Variants in CD80 observed in about 807,000 individuals in gnomAD.
CD80 encodes the protein T-lymphocyte activation antigen CD80.
CD80 carries 13 observed loss-of-function variants against 27.1 expected under a neutral mutation model. That is an observed-to-expected ratio of 0.48 (90% confidence interval 0.31 to 0.76). CD80 has a LOEUF of 0.76. CD80 is among the 30% of genes least tolerant of loss of function. CD80 has a pLI of 0.04. For synonymous variants in CD80, 125 were observed against 125.5 expected (o/e 1.00, Z 0.03); for missense variants, 277 against 347.9 (o/e 0.80, Z 1.62).
At chr3:119,528,615 C>T (rs528649057) in intron 5 of CD80, among the ~76,000 whole-genome samples, 1 of 152,206 alleles carries the variant, frequency 6.6e-6, no homozygotes, top group South Asian at 2.1e-4. Flanking sequence ...GGACATTTTC[C>T]AGACACCTAT....
At chr3:119,537,043 A>G (rs542160753) in intron 4 of CD80, 94 bp downstream of exon 4, 16 of 1,134,034 alleles carry the variant, frequency 1.4e-5, no homozygotes, top group Non-Finnish European at 2.1e-5. Context: ...CTAATGATGC[A>G]TTTCTCAAAA....
At chr3:119,556,517 A>AT (rs1477600245) in intron 2 of CD80, among the ~76,000 whole-genome samples, 3 of 121,330 alleles carry the variant, frequency 2.5e-5, no homozygotes, top group Admixed American at 2.4e-4. Flanking sequence ...TGTCAAATAT[A>AT]TAAAAAACCT....
chr3:119,555,338 G>T (rs2082258045), intron 2 of CD80, among the ~76,000 whole-genome samples: 1 of 152,080 alleles, frequency 6.6e-6, no homozygotes, highest in Non-Finnish European at 1.5e-5. Flanking sequence ...AATTTATAAT[G>T]ACTTATATCT....
In CD80 at chr3:119,537,365, TA is replaced by T; in HGVS notation, c.471del (p.Arg158GlufsTer3). 1 of 1,613,084 alleles carries T rather than the reference TA, an allele frequency of 6.2e-7. No individual in the cohort carries two copies. Among genetic ancestry groups the T allele is most frequent in the Non-Finnish European group, 8.5e-7 (1 of 1,179,044 alleles). On this transcript the variant is annotated frameshift_variant, in exon 4 of 7. Transcript: ENST00000264246. LOFTEE classifies it high-confidence loss of function. ...CCAGAGGTTGAGCAAATTATCCTTC[TA>T]ATATTAGAAGTTGGAATTTCAAAGT... is the stretch of plus-strand genomic sequence containing the variant. ...ISDFEIPTSNIRRIICSTSGG... is the reference protein window; with the variant it reads ...ISDFEIPTSNXRRIICSTSGG...
At position 119,558,934 on chromosome 3, in the gene CD80, G is replaced by A. The variant is rs887455103; in HGVS notation, c.-201+506C>T. On this transcript the variant is annotated intron_variant, in intron 1 of 6. Coordinates refer to ENST00000264246, the MANE Select transcript of CD80 (RefSeq NM_005191.4). ...CGTGCTGCTCAGAGAATGCTTGAGT[G>A]TCCTCTTTGGAGACCACCCTAGAGC... Among the ~76,000 whole-genome samples, 5 of 152,146 alleles carry A rather than the reference G, an allele frequency of 3.3e-5. No individual in the cohort carries two copies. The South Asian group carries it at 1.0e-3, about 32-fold the overall frequency.
intron 3 of CD80, among the ~76,000 whole-genome samples, chr3:119,539,545 G>A (rs1456666717): frequency 6.6e-6 from 1 of 152,120 alleles, no homozygotes; most frequent in Non-Finnish European, 1.5e-5. Flanking sequence ...TAAAGGGACA[G>A]GAAGGCCTTC....
intron 4 of CD80, among the ~76,000 whole-genome samples, chr3:119,533,155 GA>G (rs1384368758): frequency 6.6e-6 from 1 of 152,204 alleles, no homozygotes; most frequent in Non-Finnish European, 1.5e-5. Flanking sequence ...GTGTGTGAGG[GA>G]AAGAGGGAGG....
intron 3 of CD80, among the ~76,000 whole-genome samples, chr3:119,538,974 G>A (rs1009724061): frequency 2.6e-5 from 4 of 152,086 alleles, no homozygotes; most frequent in African/African-American, 9.7e-5. Context: ...CCCATGACCA[G>A]TATTTTTTAA....
chr3:119,551,320 G>A (rs530457595), intron 2 of CD80, among the ~76,000 whole-genome samples: 1 of 152,286 alleles, frequency 6.6e-6, no homozygotes, highest in African/African-American at 2.4e-5. Context: ...TCCCCTAAAG[G>A]TTTTGTGTTG....
chr3:119,541,388 G>A (rs901735012), intron 3 of CD80, among the ~76,000 whole-genome samples: 6 of 152,178 alleles, frequency 3.9e-5, no homozygotes, highest in Non-Finnish European at 5.9e-5. Context: ...TGGCTATGCT[G>A]ATATTATATT....
chr3:119,533,762 G>A (rs1346732822), intron 4 of CD80, among the ~76,000 whole-genome samples: 4 of 152,104 alleles, frequency 2.6e-5, no homozygotes, highest in African/African-American at 7.2e-5. Context: ...TTTGTAAGTT[G>A]CCCAGTCTCG....
At chr3:119,529,772 A>G in intron 5 of CD80, 70 bp downstream of exon 5, 1 of 1,060,486 alleles carries the variant, frequency 9.4e-7, no homozygotes, top group Non-Finnish European at 1.5e-6. Context: ...CCTCAGAGAG[A>G]TGCCGAACCA....
At position 119,552,405 on chromosome 3, in the gene CD80, CG is replaced by C. The variant is rs2082238038; in HGVS notation, c.100+5223del. On this transcript the variant is annotated intron_variant, in intron 2 of 6. Coordinates refer to ENST00000264246, the MANE Select transcript of CD80 (RefSeq NM_005191.4). ...TTTACGAGCTGTAGTCCCAGCTACT[CG>C]GGAGGCTGAGGCAGGAGAATGGCGT... Among the ~76,000 whole-genome samples, 4 of 146,924 alleles carry C rather than the reference CG, an allele frequency of 2.7e-5. No individual in the cohort carries two copies. The South Asian group carries it at 8.8e-4, about 32-fold the overall frequency.
intron 4 of CD80, among the ~76,000 whole-genome samples, chr3:119,531,613 G>A (rs1021562452): frequency 1.1e-4 from 16 of 151,976 alleles, no homozygotes; most frequent in Admixed American, 7.9e-4. Flanking sequence ...CAAGATCCCT[G>A]TTTTTACTTT....
In CD80 at chr3:119,537,166, C is replaced by G. The variant is rs147020828; in HGVS notation, c.671G>C (p.Arg224Thr). Residue 224 changes from arginine to threonine, a missense_variant, in exon 4 of 7, where the codon AGA (arginine) becomes ACA (threonine). By Grantham distance (71) the Arg-to-Thr change is moderately conservative. Transcript: ENST00000264246. Reference sequence around the variant, plus strand: ...ATTCCAGTTGAAGGTCTGATTCACTCTTAAATGTCCATACTTGATGAGACA... The same window carrying G: ...ATTCCAGTTGAAGGTCTGATTCACTGTTAAATGTCCATACTTGATGAGACA... The part of the protein sequence containing the change: ...FMCLIKYGHL[R>T]VNQTFNWNTT... 2.0e-5 allele frequency: 32 copies of G among 1,614,004 alleles called. No homozygotes were observed. The highest frequency in any genetic ancestry group is 2.6e-5 in the Non-Finnish European group (31 of 1,179,952).
intron 2 of CD80, among the ~76,000 whole-genome samples, chr3:119,550,935 C>T (rs954248132): frequency 6.6e-6 from 1 of 152,166 alleles, no homozygotes; most frequent in Non-Finnish European, 1.5e-5. Flanking sequence ...ATCCTCCCTG[C>T]CCCCCTCCAT....
Position 119,544,380 on chromosome 3 carries a change from A to G in CD80, c.418+170T>C, listed in dbSNP as rs1229627183. 6.6e-6 allele frequency: 4 copies of G among 609,418 alleles called. No individual in the cohort carries two copies. In the East Asian group the frequency reaches 1.1e-4, roughly 17 times the overall value. 37.8% of individuals were successfully genotyped at this position (609,418 alleles called of 1,614,324 possible). On this transcript the variant is annotated intron_variant, in intron 3 of 6. Coordinates refer to ENST00000264246, the MANE Select transcript of CD80 (RefSeq NM_005191.4). ...ATGCACATTAACAGATATTTCCAGG[A>G]CATCTTTAGAAACCAGTTAGAGTTT...
chr3:119,530,551 G>A (rs2082103983), intron 4 of CD80, among the ~76,000 whole-genome samples: 3 of 152,178 alleles, frequency 2.0e-5, no homozygotes, highest in Admixed American at 2.0e-4. Context: ...GAGCACTGAA[G>A]GTTATCAGCT....
rs1008193554 is a variant in CD80, at chr3:119,537,360, C to A, written c.477G>T (p.Arg159Ser). 1.2e-6 allele frequency: 2 copies of A among 1,612,058 alleles called. No individual in the cohort carries two copies. Among genetic ancestry groups the A allele is most frequent in the Non-Finnish European group, 1.7e-6 (2 of 1,178,186 alleles). Residue 159 changes from arginine (R) to serine (S), a missense_variant, in exon 4 of 7, where the codon AGG (arginine) becomes AGT (serine). Coordinates refer to ENST00000264246, the MANE Select transcript of CD80 (RefSeq NM_005191.4). ...DFEIPTSNIR[R>S]IICSTSGGFP... is the part of the protein sequence containing the mutation. Reference sequence around the variant, plus strand: ...AACCTCCAGAGGTTGAGCAAATTATCCTTCTAATATTAGAAGTTGGAATTT... The same window carrying A: ...AACCTCCAGAGGTTGAGCAAATTATACTTCTAATATTAGAAGTTGGAATTT...
Sources: gnomAD v4.1 joint callset for allele counts (sites outside exome capture counted in the v4.1 genomes callset) on GRCh38, gnomAD v4.1.1 for gene constraint, MANE v1.5 for transcripts, NCBI Gene and HGNC (gene_info 2026-07-23, HGNC 2026-07-21) for gene names.